Variants in SCFD2 observed in about 807,000 individuals in gnomAD.
The protein encoded by SCFD2 is sec1 family domain-containing protein 2.
SCFD2 carries 54 observed loss-of-function variants against 58.9 expected under a neutral mutation model. The observed-to-expected ratio is 0.92, with a 90% CI of 0.74 to 1.15. SCFD2 has a LOEUF of 1.15. Among genes scored for constraint, SCFD2 ranks in the 50% most tolerant of loss-of-function variants. The pLI is 0.00. For synonymous variants in SCFD2, 321 were observed against 335.9 expected (o/e 0.96, Z 0.49); for missense variants, 805 against 836.6 (o/e 0.96, Z 0.47).
chr4:53,105,882 C>A (rs1724984648), intron 5 of SCFD2, among the ~76,000 whole-genome samples: 1 of 150,862 alleles, frequency 6.6e-6, no homozygotes, highest in African/African-American at 2.4e-5. Context: ...ACCCCCCCAC[C>A]CCCCGCCTCC....
At chr4:52,906,873 T>C (rs928708624) in intron 7 of SCFD2, among the ~76,000 whole-genome samples, 1 of 152,198 alleles carries the variant, frequency 6.6e-6, no homozygotes, top group South Asian at 2.1e-4. Context: ...AACTCTACAG[T>C]AGGTTAAAAA....
At chr4:53,212,575 C>CGT (rs72335886) in intron 4 of SCFD2, among the ~76,000 whole-genome samples, 17,060 of 142,142 alleles carry the variant, frequency 0.12, 1,063 homozygotes, top group East Asian at 0.22. Context: ...AAAGTGAGCA[C>CGT]GTGTGTGTGT....
intron 5 of SCFD2, among the ~76,000 whole-genome samples, chr4:53,071,676 A>T (rs1239820542): frequency 3.3e-5 from 5 of 152,088 alleles, no homozygotes; most frequent in Non-Finnish European, 7.4e-5. Context: ...TCTAAATCCC[A>T]TGGTCTTATC....
intron 2 of SCFD2, among the ~76,000 whole-genome samples, chr4:53,335,380 A>G (rs1053158314): frequency 1.3e-5 from 2 of 152,148 alleles, no homozygotes; most frequent in Non-Finnish European, 2.9e-5. Context: ...GAGATCATCA[A>G]TGTTATGGGA....
intron 4 of SCFD2, among the ~76,000 whole-genome samples, chr4:53,217,539 T>C (rs1366714343): frequency 1.3e-5 from 2 of 152,242 alleles, no homozygotes; most frequent in Non-Finnish European, 2.9e-5. Flanking sequence ...TGTGTGTCTC[T>C]GCACGTGAGA....
chr4:53,305,443 G>A (rs185865731), intron 3 of SCFD2, among the ~76,000 whole-genome samples: 7 of 152,034 alleles, frequency 4.6e-5, no homozygotes, highest in South Asian at 2.1e-4. Flanking sequence ...CAAATATTTC[G>A]TGTACAGGAT....
intron 2 of SCFD2, among the ~76,000 whole-genome samples, chr4:53,338,575 C>CTTTTTTT (rs56263068): frequency 0.035 from 2,531 of 72,268 alleles, 142 homozygotes; most frequent in Middle Eastern, 0.052. Flanking sequence ...GTATATTTTT[C>CTTTTTTT]TTTTTTTTTT....
chr4:53,072,047 G>A (rs1367122839), intron 5 of SCFD2, among the ~76,000 whole-genome samples: 6 of 151,988 alleles, frequency 3.9e-5, no homozygotes, highest in African/African-American at 1.2e-4. Flanking sequence ...TATACCCCAC[G>A]TGCTTCCATA....
At chr4:52,975,466 A>G (rs1489980408) in intron 5 of SCFD2, among the ~76,000 whole-genome samples, 3 of 152,228 alleles carry the variant, frequency 2.0e-5, no homozygotes, top group Non-Finnish European at 2.9e-5. Flanking sequence ...CAAAACCACA[A>G]TGAGATACCA....
At chr4:52,976,689 G>A (rs1451541692) in intron 5 of SCFD2, among the ~76,000 whole-genome samples, 1 of 152,154 alleles carries the variant, frequency 6.6e-6, no homozygotes, top group Admixed American at 6.5e-5. Flanking sequence ...CCACTTCACT[G>A]AGGCATTGAT....
At chr4:53,104,999 T>C (rs923760564) in intron 5 of SCFD2, among the ~76,000 whole-genome samples, 8 of 152,150 alleles carry the variant, frequency 5.3e-5, no homozygotes, top group African/African-American at 1.9e-4. Flanking sequence ...CCTCATGTCA[T>C]TGGGAGTGGT....
chr4:53,197,588 C>G (rs1203784215), intron 4 of SCFD2, among the ~76,000 whole-genome samples: 2 of 151,856 alleles, frequency 1.3e-5, no homozygotes, highest in Non-Finnish European at 2.9e-5. Context: ...AAAGCAAATG[C>G]TTTTTATTGA....
chr4:53,104,868 G>A (rs1577730687), intron 5 of SCFD2, among the ~76,000 whole-genome samples: 2 of 152,246 alleles, frequency 1.3e-5, no homozygotes, highest in South Asian at 4.2e-4. Flanking sequence ...AGATTTGGTA[G>A]TAAAAAGAGA....
intron 8 of SCFD2, 104 bp downstream of exon 8, chr4:52,885,642 AG>A (rs1363322300): frequency 7.5e-7 from 1 of 1,335,092 alleles, no homozygotes; most frequent in Non-Finnish European, 1.1e-6. Context: ...GGTGATGGGC[AG>A]GCAGGCTAGG....
intron 4 of SCFD2, among the ~76,000 whole-genome samples, chr4:53,180,103 G>A (rs1727494196): frequency 6.6e-6 from 1 of 152,082 alleles, no homozygotes; most frequent in South Asian, 2.1e-4. Flanking sequence ...GAGACAGAAA[G>A]TTAACAAGGA....
intron 4 of SCFD2, among the ~76,000 whole-genome samples, chr4:53,172,429 T>G (rs1290307086): frequency 6.6e-6 from 1 of 152,236 alleles, no homozygotes; most frequent in Non-Finnish European, 1.5e-5. Context: ...GATAAAACAT[T>G]AGGTTGTTTA....
intron 4 of SCFD2, among the ~76,000 whole-genome samples, chr4:53,200,681 A>G (rs552385200): frequency 6.6e-6 from 1 of 152,244 alleles, no homozygotes; most frequent in Admixed American, 6.5e-5. Context: ...GTTTAGAAAA[A>G]AAATGTGTTC....
chr4:52,952,812 G>T (rs1720631358), intron 5 of SCFD2, among the ~76,000 whole-genome samples: 1 of 152,086 alleles, frequency 6.6e-6, no homozygotes, highest in Non-Finnish European at 1.5e-5. Context: ...TTCCCTAAAT[G>T]TCACTTACCT....
At chr4:53,335,454 G>C (rs116231024) in intron 2 of SCFD2, among the ~76,000 whole-genome samples, 4 of 152,042 alleles carry the variant, frequency 2.6e-5, no homozygotes, top group Non-Finnish European at 4.4e-5. Flanking sequence ...ACATCCTTTC[G>C]CTTTTACAAA....
Sources: allele counts gnomAD v4.1 joint callset (sites outside exome capture counted in the v4.1 genomes callset), GRCh38; gene constraint gnomAD v4.1.1; transcripts MANE v1.5; gene names NCBI Gene and HGNC (gene_info 2026-07-23, HGNC 2026-07-21).